The following KCNJ6 variants were observed in gnomAD, a reference collection of about 807,000 sequenced individuals.
KCNJ6 encodes the protein potassium inwardly rectifying channel subfamily J member 6.
In KCNJ6, 9 loss-of-function variants were observed where a neutral mutation model predicts 34.2. The ratio of observed to expected loss-of-function variants is 0.26; its 90% CI spans 0.16 to 0.46. The LOEUF is 0.46. KCNJ6 is among the 20% of genes least tolerant of loss of function. The pLI is 1.00. For missense variants in KCNJ6, 236 were observed against 531.3 expected, an observed-to-expected ratio of 0.44 and a Z score of 5.46; for synonymous variants, 196 against 207.1, an observed-to-expected ratio of 0.95 and a Z score of 0.46.
Position 37,714,221 on chromosome 21 carries a change from C to G in KCNJ6, c.936G>C (p.Val312=), listed in dbSNP as rs746566588. ...LEIVVILEGM[V]EATGMTCQAR... Reference sequence around the variant, plus strand: ...TAGAACACATCTTACCTGTGGCTTCCACCATTCCTTCTAGGATGACCACAA... The same window carrying G: ...TAGAACACATCTTACCTGTGGCTTCGACCATTCCTTCTAGGATGACCACAA... Residue 312 remains valine, a synonymous_variant, in exon 3 of 4, where the codon GTG becomes GTC. Transcript: ENST00000609713. This position sits in a 1 kb window ranked among gnomAD's most constrained non-coding sequence, Gnocchi z 5.9. 6.2e-7 allele frequency: 1 copy of G among 1,612,738 alleles called. No individual in the cohort carries two copies. Among genetic ancestry groups the G allele is most frequent in the South Asian group, 1.1e-5 (1 of 90,976 alleles).
At chr21:37,728,747 T>C (rs2123465183) in intron 2 of KCNJ6, among the ~76,000 whole-genome samples, 1 of 152,222 alleles carries the variant, frequency 6.6e-6, no homozygotes, top group East Asian at 1.9e-4. Context: ...GAAAAGCGTA[T>C]GGAGAGAGAC....
chr21:37,819,660 G>T (rs1448710228), intron 2 of KCNJ6, among the ~76,000 whole-genome samples: 1 of 152,170 alleles, frequency 6.6e-6, no homozygotes, highest in African/African-American at 2.4e-5. Context: ...TTTGTAAAAT[G>T]TTGTAAATGA....
At chr21:37,715,279 C>T in intron 2 of KCNJ6, 148 bp from the exon 3 acceptor site, 1 of 688,178 alleles carries the variant, frequency 1.5e-6, no homozygotes, top group East Asian at 2.7e-5. Flanking sequence ...TTATTCCACA[C>T]CATCTGGATA....
chr21:37,863,846 G>GTTTTGTTTTTTTTTT (rs2055606770), intron 1 of KCNJ6, among the ~76,000 whole-genome samples: 1 of 97,042 alleles, frequency 1.0e-5, no homozygotes, highest in African/African-American at 4.3e-5. Flanking sequence ...AAATATAAAG[G>GTTTTGTTTTTTTTTT]TTTTTTTTTT....
At chr21:37,734,357 A>G (rs1463738243) in intron 2 of KCNJ6, among the ~76,000 whole-genome samples, 1 of 152,082 alleles carries the variant, frequency 6.6e-6, no homozygotes, top group Admixed American at 6.5e-5. Flanking sequence ...GATTGTGCAG[A>G]CCCTAAAATG....
At chr21:37,826,524 C>G (rs2055399743) in intron 2 of KCNJ6, among the ~76,000 whole-genome samples, 1 of 151,990 alleles carries the variant, frequency 6.6e-6, no homozygotes, top group South Asian at 2.1e-4. Context: ...ACAGGTATGG[C>G]TCCTGTTTTG....
chr21:37,689,966 C>T (rs954449371), intron 3 of KCNJ6, among the ~76,000 whole-genome samples: 4 of 152,004 alleles, frequency 2.6e-5, no homozygotes, highest in South Asian at 2.1e-4. Flanking sequence ...CTCCTGCATT[C>T]GTAGGGAATT....
intron 1 of KCNJ6, among the ~76,000 whole-genome samples, chr21:37,898,922 T>A (rs564183905): frequency 6.6e-6 from 1 of 152,380 alleles, no homozygotes; most frequent in South Asian, 2.1e-4. Context: ...GACCCTCTCT[T>A]TGCTATATTT....
At position 37,712,770 on chromosome 21, in the gene KCNJ6, G is replaced by T. The variant is rs116909471; in HGVS notation, c.946+1441C>A. 7.7e-3 allele frequency among the ~76,000 whole-genome samples: 336 copies of T among 43,710 alleles called. 100 individuals are homozygous for T. The highest frequency in any genetic ancestry group is 0.013 in the Admixed American group (37 of 2,766). The allele number at this position is 43,710 out of a possible 152,430, so 28.7% of individuals were successfully genotyped here. A position where few individuals can be genotyped will look rare whatever the true frequency, so the allele number is the denominator to read the frequency against. ...TCCTTCCTCCCCTTCCTCCTCCCCTGCCTTCCCTTCTACTTCTCCCTTCTA... is the reference window on the plus strand; with the variant it reads ...TCCTTCCTCCCCTTCCTCCTCCCCTTCCTTCCCTTCTACTTCTCCCTTCTA... On this transcript the variant is annotated intron_variant, in intron 3 of 3. Transcript: ENST00000609713.
At chr21:37,761,268 T>A (rs546599076) in intron 2 of KCNJ6, among the ~76,000 whole-genome samples, 1 of 150,750 alleles carries the variant, frequency 6.6e-6, no homozygotes, top group East Asian at 2.0e-4. Flanking sequence ...ATGTGTGTTG[T>A]GTGTGGTAGT....
chr21:37,698,304 T>A (rs2054673007), intron 3 of KCNJ6, among the ~76,000 whole-genome samples: 1 of 152,192 alleles, frequency 6.6e-6, no homozygotes, highest in Non-Finnish European at 1.5e-5. Flanking sequence ...GAGAAATGGA[T>A]GCTGGCTGCC....
chr21:37,732,705 T>C (rs918165613), intron 2 of KCNJ6, among the ~76,000 whole-genome samples: 1 of 152,194 alleles, frequency 6.6e-6, no homozygotes, highest in African/African-American at 2.4e-5. Flanking sequence ...TTTAGACAGA[T>C]GTTCCAACCC....
intron 2 of KCNJ6, among the ~76,000 whole-genome samples, chr21:37,753,914 G>A (rs1030961623): frequency 6.6e-6 from 1 of 152,170 alleles, no homozygotes; most frequent in African/African-American, 2.4e-5. Context: ...CCTTGGCTAG[G>A]TCTATTACAT....
At chr21:37,861,232 C>T (rs182355780) in intron 1 of KCNJ6, among the ~76,000 whole-genome samples, 1 of 152,322 alleles carries the variant, frequency 6.6e-6, no homozygotes. Flanking sequence ...GCTTAAACAA[C>T]AGGCATTTAT....
At chr21:37,900,952 A>G (rs1220374297) in intron 1 of KCNJ6, among the ~76,000 whole-genome samples, 1 of 152,210 alleles carries the variant, frequency 6.6e-6, no homozygotes, top group Non-Finnish European at 1.5e-5. Context: ...TATAAAACAT[A>G]AAACATAGTA....
At chr21:37,877,014 T>A (rs1330178653) in intron 1 of KCNJ6, among the ~76,000 whole-genome samples, 1 of 152,212 alleles carries the variant, frequency 6.6e-6, no homozygotes, top group Non-Finnish European at 1.5e-5. Flanking sequence ...TTTATTACTA[T>A]GAGTCATGTT....
intron 2 of KCNJ6, among the ~76,000 whole-genome samples, chr21:37,743,659 A>G (rs1217108021): frequency 6.6e-6 from 1 of 152,080 alleles, no homozygotes; most frequent in Non-Finnish European, 1.5e-5. Context: ...GGCCCTCTCC[A>G]GATGCTAGCC....
At chr21:37,800,026 T>C (rs2055261868) in intron 2 of KCNJ6, among the ~76,000 whole-genome samples, 1 of 152,208 alleles carries the variant, frequency 6.6e-6, no homozygotes, top group African/African-American at 2.4e-5. Flanking sequence ...GATAACACCA[T>C]GAACTGCAGA....
intron 2 of KCNJ6, among the ~76,000 whole-genome samples, chr21:37,724,189 C>T (rs1446019912): frequency 6.6e-6 from 1 of 152,074 alleles, no homozygotes; most frequent in Non-Finnish European, 1.5e-5. Flanking sequence ...TTAGAAAGGT[C>T]TCTGAAGAGC....
Sources: allele counts gnomAD v4.1 joint callset (sites outside exome capture counted in the v4.1 genomes callset), GRCh38; gene constraint gnomAD v4.1.1; non-coding constraint Gnocchi (gnomAD v3.1); transcripts MANE v1.5; gene names NCBI Gene and HGNC (gene_info 2026-07-23, HGNC 2026-07-21).